The following AK9 variants were observed in gnomAD, a reference collection of about 807,000 sequenced individuals.
The protein encoded by AK9 is adenylate kinase domain containing 1.
A neutral mutation model predicts 239.6 loss-of-function variants in AK9; 191 were observed. The ratio of observed to expected loss-of-function variants is 0.80; its 90% CI spans 0.71 to 0.90. AK9 has a LOEUF of 0.90. Among genes scored for constraint, AK9 ranks in the 40% least tolerant of loss-of-function variants. The pLI, the probability that AK9 is intolerant of heterozygous loss-of-function variation, is 0.00. For missense variants in AK9, 1,995 were observed against 2,214.7 expected (o/e 0.90, Z 1.99); for synonymous variants, 689 against 721.0 (o/e 0.96, Z 0.71).
In AK9 at chr6:109,519,148, T is replaced by C. The variant is rs193142178; in HGVS notation, c.3634-2506A>G. Among the ~76,000 whole-genome samples the C allele has an allele frequency of 2.4e-3, 362 of 152,328 alleles. 2 individuals carry two copies. The highest frequency in any genetic ancestry group is 4.1e-3 in the Non-Finnish European group (280 of 68,034). Reference sequence around the variant, plus strand: ...TGCTGCAAAGGATATGACTTTGTTCTTTTTTATGGTCATGTAGTATTCTAC... The same window carrying C: ...TGCTGCAAAGGATATGACTTTGTTCCTTTTTATGGTCATGTAGTATTCTAC... On this transcript the variant is annotated intron_variant, in intron 29 of 40. Transcript: ENST00000424296.
intron 21 of AK9, among the ~76,000 whole-genome samples, chr6:109,565,488 T>TAAAA (rs1286599519): frequency 2.5e-4 from 25 of 101,802 alleles, no homozygotes; most frequent in Non-Finnish European, 3.8e-4. Context: ...AAAAAAAATT[T>TAAAA]TTTTTCAAGA....
intron 29 of AK9, chr6:109,528,801 G>GAAAAGCTGTTACAAGAGGGTCAGCCTTT: frequency 2.6e-6 from 2 of 780,764 alleles, no homozygotes; most frequent in Non-Finnish European, 4.2e-6. Flanking sequence ...GGTCAGCCTT[G>GAAAAGCTGTTACAAGAGGGTCAGCCTTT]AAAAGCTGTT....
rs138740382 is a variant in AK9 at position 109,517,991 on chromosome 6, T to A, written c.3634-1349A>T. On this transcript the variant is annotated intron_variant, in intron 29 of 40. Transcript: ENST00000424296. ...TCCTGGGTGGGAAGGGATGGGGGGT[T>A]ACAAAGGACTGTAATCCTAAATAAT... Among the ~76,000 whole-genome samples, 301 of 152,164 alleles carry A rather than the reference T, an allele frequency of 2.0e-3. 1 individual carries two copies. Among genetic ancestry groups the A allele is most frequent in the African/African-American group, 6.9e-3 (285 of 41,518 alleles).
chr6:109,643,219 C>T (rs1006397890), intron 9 of AK9, among the ~76,000 whole-genome samples: 4 of 152,184 alleles, frequency 2.6e-5, no homozygotes, highest in African/African-American at 4.8e-5. Flanking sequence ...TGACTTTGGT[C>T]ATGAGATCAC....
intron 8 of AK9, among the ~76,000 whole-genome samples, chr6:109,651,924 C>A (rs1454694687): frequency 6.6e-6 from 1 of 152,080 alleles, no homozygotes; most frequent in Non-Finnish European, 1.5e-5. Flanking sequence ...AGCCTACCAA[C>A]CAAAAAAAGT....
intron 8 of AK9, among the ~76,000 whole-genome samples, chr6:109,654,246 C>A (rs1450743023): frequency 1.3e-5 from 2 of 152,138 alleles, no homozygotes; most frequent in African/African-American, 4.8e-5. Context: ...TTCCTCTAGA[C>A]CGACAACAGA....
At chr6:109,557,850 C>T (rs1280419431) in intron 24 of AK9, among the ~76,000 whole-genome samples, 1 of 152,164 alleles carries the variant, frequency 6.6e-6, no homozygotes, top group East Asian at 1.9e-4. Flanking sequence ...AAGTTATATT[C>T]CCACGAGCAG....
chr6:109,564,891 A>T (rs1484727763), intron 21 of AK9, 46 bp from the exon 22 acceptor site: 2 of 1,382,596 alleles, frequency 1.4e-6, no homozygotes, highest in Non-Finnish European at 2.0e-6. Flanking sequence ...TGAAAACATT[A>T]TTCCTTTATG....
intron 29 of AK9, among the ~76,000 whole-genome samples, chr6:109,521,274 C>T (rs1488231411): frequency 6.6e-6 from 1 of 152,066 alleles, no homozygotes; most frequent in Non-Finnish European, 1.5e-5. Context: ...TATTTGGTTC[C>T]TCTTTCCTGC....
chr6:109,502,989 G>GTGTGTA (rs1421119013), intron 35 of AK9, among the ~76,000 whole-genome samples: 2 of 150,186 alleles, frequency 1.3e-5, no homozygotes, highest in African/African-American at 4.9e-5. Flanking sequence ...GTGTGTGTGT[G>GTGTGTA]TATTATTTTC....
intron 5 of AK9, among the ~76,000 whole-genome samples, chr6:109,664,584 C>G (rs1199268199): frequency 2.0e-5 from 3 of 151,948 alleles, no homozygotes; most frequent in Non-Finnish European, 4.4e-5. Flanking sequence ...GCTACCACGC[C>G]CGGCTAATTT....
chr6:109,509,385 A>G lies in AK9; in HGVS notation c.4280-5T>C. 1 of 1,544,284 alleles carries G rather than the reference A, an allele frequency of 6.5e-7. No homozygotes were observed. The highest frequency in any genetic ancestry group is 8.8e-7 in the Non-Finnish European group (1 of 1,142,722). On this transcript the variant is annotated splice_region_variant and splice_polypyrimidine_tract_variant and intron_variant, in intron 32 of 40. Transcript: ENST00000424296. ...CACTTGTAATTTTTTTGGCAACTGAAAAACATAAAACTTTTAAATTAAATT... is the reference window on the plus strand; with the variant it reads ...CACTTGTAATTTTTTTGGCAACTGAGAAACATAAAACTTTTAAATTAAATT...
intron 8 of AK9, among the ~76,000 whole-genome samples, chr6:109,654,621 G>A (rs962804280): frequency 2.0e-5 from 3 of 152,106 alleles, no homozygotes; most frequent in East Asian, 1.9e-4. Flanking sequence ...ATGAGCCACC[G>A]CGCCCTGCCT....
intron 35 of AK9, among the ~76,000 whole-genome samples, chr6:109,501,401 CCG>C (rs1777591379): frequency 6.6e-6 from 1 of 152,162 alleles, no homozygotes; most frequent in Non-Finnish European, 1.5e-5. Context: ...GGTTGGGAAA[CCG>C]TGCCCAAAGA....
At chr6:109,618,538 T>C (rs1253332865) in intron 13 of AK9, among the ~76,000 whole-genome samples, 1 of 151,824 alleles carries the variant, frequency 6.6e-6, no homozygotes, top group Non-Finnish European at 1.5e-5. Context: ...ACTTTGGAAA[T>C]GAGGGATCAA....
chr6:109,648,488 T>A (rs1409513957), intron 8 of AK9, among the ~76,000 whole-genome samples: 1 of 151,672 alleles, frequency 6.6e-6, no homozygotes, highest in Admixed American at 6.6e-5. Context: ...CTAGAAAATC[T>A]AGAAGAAATA....
At chr6:109,599,675 A>C (rs1791623568) in intron 17 of AK9, among the ~76,000 whole-genome samples, 1 of 152,096 alleles carries the variant, frequency 6.6e-6, no homozygotes, top group African/African-American at 2.4e-5. Context: ...CAGTATGGCC[A>C]TTTTCACGAT....
At position 109,586,022 on chromosome 6, in the gene AK9, G is replaced by A. The variant is rs1420896711; in HGVS notation, c.1893C>T (p.Gly631=). The change falls in exon 18 of 41, where the codon GGC becomes GGT. Residue 631 remains glycine, a synonymous_variant. Transcript: ENST00000424296. ...DRFPGAPKYG[G]WIVDNCPIVK... Reference sequence around the variant, plus strand: ...CAATAGGGCAGTTGTCCACAATCCAGCCTCCATATTTTGGGGCACCAGGAA... The same window carrying A: ...CAATAGGGCAGTTGTCCACAATCCAACCTCCATATTTTGGGGCACCAGGAA... The A allele has an allele frequency of 6.4e-7, 1 of 1,551,024 alleles. No individual in the cohort carries two copies. The highest frequency in any genetic ancestry group is 1.4e-5 in the African/African-American group (1 of 72,992).
intron 35 of AK9, among the ~76,000 whole-genome samples, chr6:109,504,677 C>T (rs1853030): frequency 0.25 from 38,206 of 151,832 alleles, 4,867 homozygotes; most frequent in East Asian, 0.42. Flanking sequence ...GGCATGGTGG[C>T]GCACACCTGT....
Sources: allele counts gnomAD v4.1 joint callset (sites outside exome capture counted in the v4.1 genomes callset), GRCh38; gene constraint gnomAD v4.1.1; transcripts MANE v1.5; gene names NCBI Gene and HGNC (gene_info 2026-07-23, HGNC 2026-07-21).